Variants in COL18A1 observed in about 807,000 individuals in gnomAD.
The protein encoded by COL18A1 is collagen type XVIII alpha 1 chain.
In COL18A1, 133 loss-of-function variants were observed where a neutral mutation model predicts 168.0. The ratio of observed to expected loss-of-function variants is 0.79; its 90% CI spans 0.69 to 0.91. The LOEUF is 0.91. Among genes scored for constraint, COL18A1 ranks in the 40% least tolerant of loss-of-function variants. COL18A1 has a pLI of 0.00. For synonymous variants in COL18A1, 949 were observed against 809.0 expected, an observed-to-expected ratio of 1.17 and a Z score of -2.94; for missense variants, 2,126 against 1,925.4, an observed-to-expected ratio of 1.10 and a Z score of -1.95.
intron 1 of COL18A1, 59 bp from the exon 2 acceptor site, chr21:45,405,320 C>CGGGTCCTGCGGGGGTCGCGG (rs1211489713): frequency 9.3e-4 from 358 of 385,606 alleles, no homozygotes; most frequent in Non-Finnish European, 1.1e-3. Context: ...GGGGCTCGGC[C>CGGGTCCTGCGGGGGTCGCGG]GGGTCCTGCG....
At position 45,440,288 on chromosome 21, in the gene COL18A1, C is replaced by T. The variant is rs1159801847; in HGVS notation, c.107-27954C>T. Among the ~76,000 whole-genome samples the T allele has an allele frequency of 2.6e-5, 4 of 152,260 alleles. No individual in the cohort carries two copies. The South Asian group carries it at 6.2e-4, about 24-fold the overall frequency. On this transcript the variant is annotated intron_variant, in intron 2 of 41. Transcript: ENST00000651438. Reference sequence around the variant, plus strand: ...AAGCAGAGGCCTCCCTGGGCTCTCACAGCCCCTTAGCTTCTTGCCCACCCA... The same window carrying T: ...AAGCAGAGGCCTCCCTGGGCTCTCATAGCCCCTTAGCTTCTTGCCCACCCA...
intron 32 of COL18A1, chr21:45,497,873 A>T: frequency 1.6e-6 from 1 of 640,604 alleles, no homozygotes; most frequent in Non-Finnish European, 2.7e-6. Flanking sequence ...GCACAAGCCC[A>T]GCAAGATAGC....
intron 2 of COL18A1, among the ~76,000 whole-genome samples, chr21:45,428,010 C>T (rs377551893): frequency 1.3e-5 from 2 of 152,208 alleles, no homozygotes; most frequent in African/African-American, 4.8e-5. Flanking sequence ...TCCTGGGTCA[C>T]AGCCAACGCA....
In COL18A1 at chr21:45,443,360, A is replaced by T. The variant is rs370343566; in HGVS notation, c.107-24882A>T. On this transcript the variant is annotated intron_variant, in intron 2 of 41. Coordinates refer to ENST00000651438, the MANE Select transcript of COL18A1 (RefSeq NM_001379500.1). The surrounding 1 kb of genome is among the most constrained non-coding windows in gnomAD (Gnocchi z 5.2). ...CTTCCATGAGAAAACCCAGTTAAGG[A>T]GCAACCTGGTAAACCCTTGAAAACC... is the stretch of plus-strand genomic sequence containing the variant. Among the ~76,000 whole-genome samples the T allele has an allele frequency of 6.6e-6, 1 of 152,114 alleles. No homozygotes were observed. The highest frequency in any genetic ancestry group is 1.5e-5 in the Non-Finnish European group (1 of 68,000).
rs1307752762 is a variant in COL18A1 at position 45,505,401 on chromosome 21, G to A, written c.3057G>A (p.Gly1019=). The A allele has an allele frequency of 3.8e-6, 6 of 1,583,876 alleles. No individual in the cohort carries two copies. Among genetic ancestry groups the A allele is most frequent in the Non-Finnish European group, 4.3e-6 (5 of 1,158,794 alleles). ...CTCCGGGCCCCCCTGGGCCCCCTGGGCCCCCTGGAACCATGGGCGCCTCCT... is the reference window on the plus strand; with the variant it reads ...CTCCGGGCCCCCCTGGGCCCCCTGGACCCCCTGGAACCATGGGCGCCTCCT... The part of the protein sequence containing the change: ...PGPPGPPGPP[G]PPGTMGASSG... Residue 1019 remains glycine (G), a synonymous_variant, in exon 36 of 42, where the codon GGG becomes GGA. Coordinates refer to ENST00000651438, the MANE Select transcript of COL18A1 (RefSeq NM_001379500.1).
At chr21:45,470,555 C>T (rs1174895321) in intron 3 of COL18A1, among the ~76,000 whole-genome samples, 3 of 144,878 alleles carry the variant, frequency 2.1e-5, no homozygotes, top group East Asian at 2.1e-4. Flanking sequence ...GGGGTGATCT[C>T]GGCTCACTGC....
rs1341328103 is a variant in COL18A1, at chr21:45,437,625, C to G, written c.107-30617C>G. ...ACTCAGACACACAGGCACTCTCCTGCACACACACTCACACAGGCACTCTCC... is the reference window on the plus strand; with the variant it reads ...ACTCAGACACACAGGCACTCTCCTGGACACACACTCACACAGGCACTCTCC... On this transcript the variant is annotated intron_variant, in intron 2 of 41. Transcript: ENST00000651438. Among the ~76,000 whole-genome samples the G allele has an allele frequency of 3.4e-5, 2 of 59,184 alleles. 1 individual carries two copies. Among genetic ancestry groups the G allele is most frequent in the African/African-American group, 2.5e-4 (2 of 7,930 alleles). 38.8% of individuals were successfully genotyped at this position (59,184 alleles called of 152,430 possible).
intron 2 of COL18A1, 24 bp downstream of exon 2, chr21:45,405,497 G>A: frequency 7.7e-7 from 1 of 1,296,414 alleles, no homozygotes; most frequent in Non-Finnish European, 9.9e-7. Flanking sequence ...GGGACGGGAA[G>A]GTTCGCGCCG....
At chr21:45,409,795 C>T (rs747710980) in intron 2 of COL18A1, among the ~76,000 whole-genome samples, 6 of 152,180 alleles carry the variant, frequency 3.9e-5, no homozygotes, top group Non-Finnish European at 7.4e-5. Flanking sequence ...TGTGAGCGGC[C>T]GCTGGCAATT....
At position 45,505,922 on chromosome 21, in the gene COL18A1, G is replaced by A; in HGVS notation, c.3172G>A (p.Glu1058Lys). 1.2e-6 allele frequency: 2 copies of A among 1,613,210 alleles called. No individual in the cohort carries two copies. The highest frequency in any genetic ancestry group is 2.2e-5 in the East Asian group (1 of 44,884). The change falls in exon 37 of 42, where the codon GAG becomes AAG. Residue 1058 changes from glutamate to lysine, a missense_variant. Coordinates refer to ENST00000651438, the MANE Select transcript of COL18A1 (RefSeq NM_001379500.1). ...CTGGCTCATCTTCGTGGCCGAGCAG[G>A]AGGAGCTCTACGTCCGCGTGCAGAA... is the stretch of plus-strand genomic sequence containing the variant. ...EGWLIFVAEQ[E>K]ELYVRVQNGF...
At chr21:45,466,173 A>G (rs1211217353) in intron 2 of COL18A1, among the ~76,000 whole-genome samples, 2 of 152,102 alleles carry the variant, frequency 1.3e-5, no homozygotes, top group East Asian at 3.9e-4. Context: ...CCCTAAGATA[A>G]GGGACCCAAG....
chr21:45,455,570 C>T, intron 2 of COL18A1: 2 of 1,613,868 alleles, frequency 1.2e-6, no homozygotes, highest in African/African-American at 1.3e-5. Context: ...CCTGCTGCTG[C>T]TCTTCTGCTG....
intron 14 of COL18A1, among the ~76,000 whole-genome samples, chr21:45,482,555 C>A (rs1481732178): frequency 1.3e-5 from 2 of 152,208 alleles, no homozygotes; most frequent in African/African-American, 4.8e-5. Flanking sequence ...CCAGGCCCCA[C>A]GTGTAGCCAG....
At position 45,490,885 on chromosome 21, in the gene COL18A1, G is replaced by A; in HGVS notation, c.2067+14G>A. ...CGGGGAGAAAAGGTGAGTGTCCCTGGGGCGGGTGGATGGGGATGGGGGGCG... is the reference window on the plus strand; with the variant it reads ...CGGGGAGAAAAGGTGAGTGTCCCTGAGGCGGGTGGATGGGGATGGGGGGCG... On this transcript the variant is annotated intron_variant, in intron 21 of 41. Coordinates refer to ENST00000651438, the MANE Select transcript of COL18A1 (RefSeq NM_001379500.1). The A allele has an allele frequency of 6.5e-7, 1 of 1,549,578 alleles. No individual in the cohort carries two copies. Among genetic ancestry groups the A allele is most frequent in the East Asian group, 2.4e-5 (1 of 40,906 alleles).
chr21:45,497,929 C>T (rs1171057406), intron 32 of COL18A1: 15 of 606,178 alleles, frequency 2.5e-5, no homozygotes, highest in Non-Finnish European at 2.0e-5. Context: ...CATGCTAGAC[C>T]CAGGTGGGCA....
In COL18A1 at chr21:45,502,243, T is replaced by A. The variant is rs78392673; in HGVS notation, c.2684-1768T>A. Among the ~76,000 whole-genome samples, 4 of 152,328 alleles carry A rather than the reference T, an allele frequency of 2.6e-5. No homozygotes were observed. In the East Asian group the frequency reaches 7.7e-4, roughly 29 times the overall value. ...GTGGAGCCACGTGCTCCAAAGCTTC[T>A]GGGTTACAGGGCATGCCTCCAGGGG... On this transcript the variant is annotated intron_variant, in intron 32 of 41. Transcript: ENST00000651438.
rs1014617525 is a variant in COL18A1 at position 45,505,249 on chromosome 21, C to A, written c.2984C>A (p.Pro995His). ...GPPGPPGPPG[P>H]PSFPGPHRQT... ...CCCGGCCCCCCAGGCCCCCCAGGGCCCCCTTCATTTCCTGGCCCTCACAGG... is the reference window on the plus strand; with the variant it reads ...CCCGGCCCCCCAGGCCCCCCAGGGCACCCTTCATTTCCTGGCCCTCACAGG... The change falls in exon 35 of 42, where the codon CCC becomes CAC. Residue 995 changes from proline (P) to histidine (H), a missense_variant. Coordinates refer to ENST00000651438, the MANE Select transcript of COL18A1 (RefSeq NM_001379500.1). 3.1e-6 allele frequency: 5 copies of A among 1,606,668 alleles called. No homozygotes were observed. Among genetic ancestry groups the A allele is most frequent in the Non-Finnish European group, 4.3e-6 (5 of 1,175,934 alleles).
At position 45,491,249 on chromosome 21, in the gene COL18A1, G is replaced by A. The variant is rs767150342; in HGVS notation, c.2092G>A (p.Gly698Arg). Residue 698 changes from glycine (G) to arginine (R), a missense_variant, in exon 22 of 42, where the codon GGG (glycine) becomes AGG (arginine). Transcript: ENST00000651438. ...GGGAGATCCAGGGAAGGACGGAGTC[G>A]GGCAGCCGGGCCTCCCTGGCCCCCC... ...EKGDPGKDGV[G>R]QPGLPGPPGP... is the part of the protein sequence containing the mutation. The A allele has an allele frequency of 5.2e-5, 84 of 1,612,264 alleles. No individual in the cohort carries two copies. Among genetic ancestry groups the A allele is most frequent in the Admixed American group, 1.3e-4 (8 of 60,012 alleles).
In COL18A1 at chr21:45,480,424, G is replaced by GC. The variant is rs745941789; in HGVS notation, c.1399-43_1399-42insC. Reference sequence around the variant, plus strand: ...GGGGCCAGGAGTAGGCCAGGCGGGGGGCCGAGCTCAGGGCAACGTGTCTCT... The same window carrying GC: ...GGGGCCAGGAGTAGGCCAGGCGGGGGCGCCGAGCTCAGGGCAACGTGTCTCT... On this transcript the variant is annotated intron_variant, in intron 11 of 41. Coordinates refer to ENST00000651438, the MANE Select transcript of COL18A1 (RefSeq NM_001379500.1). The GC allele has an allele frequency of 1.3e-5, 21 of 1,613,896 alleles. No homozygotes were observed. The African/African-American group carries it at 2.5e-4, about 19-fold the overall frequency.
Sources: gnomAD v4.1 joint callset for allele counts (sites outside exome capture counted in the v4.1 genomes callset) on GRCh38, gnomAD v4.1.1 for gene constraint, Gnocchi (gnomAD v3.1) non-coding constraint, MANE v1.5 for transcripts, NCBI Gene and HGNC (gene_info 2026-07-23, HGNC 2026-07-21) for gene names.